The following MITF variants were observed in gnomAD, a reference collection of about 807,000 sequenced individuals.
MITF encodes the protein microphthalmia-associated transcription factor.
Under a neutral mutation model 60.5 loss-of-function variants are expected in MITF, and 17 were observed. That is an observed-to-expected ratio of 0.28 (90% CI 0.19 to 0.42). The LOEUF (loss-of-function observed/expected upper bound fraction) is 0.42. Among genes scored for constraint, MITF ranks in the 10% least tolerant of loss-of-function variants. The pLI is 1.00. For synonymous variants in MITF, 260 were observed against 248.5 expected (o/e 1.05, Z -0.43); for missense variants, 622 against 683.5 (o/e 0.91, Z 1.00).
intron 1 of MITF, among the ~76,000 whole-genome samples, chr3:69,836,021 A>G (rs1303124090): frequency 1.3e-5 from 2 of 151,906 alleles, no homozygotes; most frequent in Non-Finnish European, 2.9e-5. Flanking sequence ...TGTCATTGGT[A>G]TTTTGATAGG....
At chr3:69,928,959 C>T (rs939693154) in intron 2 of MITF, among the ~76,000 whole-genome samples, 1 of 152,172 alleles carries the variant, frequency 6.6e-6, no homozygotes, top group East Asian at 1.9e-4. Flanking sequence ...AATCTTTGGG[C>T]AGCCCCTGAT....
chr3:69,803,638 CTG>C, intron 1 of MITF, among the ~76,000 whole-genome samples: 1 of 152,084 alleles, frequency 6.6e-6, no homozygotes, highest in Non-Finnish European at 1.5e-5. Flanking sequence ...AAATAAGTGT[CTG>C]TTATTGTAGA....
At chr3:69,958,234 T>G (rs2066448205) in intron 8 of MITF, among the ~76,000 whole-genome samples, 1 of 152,230 alleles carries the variant, frequency 6.6e-6, no homozygotes, top group African/African-American at 2.4e-5. Context: ...CATCATTTAT[T>G]TTAACTACAT....
chr3:69,806,610 G>C (rs1403480630), intron 1 of MITF, among the ~76,000 whole-genome samples: 1 of 152,114 alleles, frequency 6.6e-6, no homozygotes, highest in Non-Finnish European at 1.5e-5. Flanking sequence ...TAAGAACTCA[G>C]GCTAAGAACT....
chr3:69,925,154 T>C (rs897506663), intron 2 of MITF, among the ~76,000 whole-genome samples: 8 of 152,166 alleles, frequency 5.3e-5, no homozygotes, highest in African/African-American at 9.7e-5. Flanking sequence ...GTACTTTTCA[T>C]GCATCTCATC....
chr3:69,886,057 G>C (rs1203624205), intron 2 of MITF, among the ~76,000 whole-genome samples: 1 of 152,098 alleles, frequency 6.6e-6, no homozygotes, highest in Non-Finnish European at 1.5e-5. Context: ...GGTGCAGTCA[G>C]GATTTGAACT....
chr3:69,822,999 C>T (rs1048309573), intron 1 of MITF, among the ~76,000 whole-genome samples: 1 of 151,838 alleles, frequency 6.6e-6, no homozygotes, highest in South Asian at 2.1e-4. Context: ...CTGCTTCAGC[C>T]TTCTGAGTAG....
At chr3:69,827,821 T>G (rs2063381046) in intron 1 of MITF, among the ~76,000 whole-genome samples, 1 of 152,110 alleles carries the variant, frequency 6.6e-6, no homozygotes. Flanking sequence ...TCCAAATTAG[T>G]GGCCCAGGCA....
At chr3:69,850,663 G>C (rs1220887334) in intron 1 of MITF, among the ~76,000 whole-genome samples, 1 of 152,246 alleles carries the variant, frequency 6.6e-6, no homozygotes, top group South Asian at 2.1e-4. Context: ...ATGGTGCCAG[G>C]TGCAAGGCAG....
At chr3:69,764,388 G>T (rs2062258056) in intron 1 of MITF, among the ~76,000 whole-genome samples, 1 of 152,130 alleles carries the variant, frequency 6.6e-6, no homozygotes, top group African/African-American at 2.4e-5. Context: ...AGCTGGTGGG[G>T]ATTAACAGAA....
At chr3:69,799,125 A>G (rs1394779212) in intron 1 of MITF, among the ~76,000 whole-genome samples, 1 of 152,220 alleles carries the variant, frequency 6.6e-6, no homozygotes, top group Middle Eastern at 3.2e-3. Flanking sequence ...AATGATTATG[A>G]TGATAATCTG....
chr3:69,917,768 C>A (rs1249347428), intron 2 of MITF, among the ~76,000 whole-genome samples: 2 of 151,930 alleles, frequency 1.3e-5, no homozygotes, highest in African/African-American at 4.8e-5. Context: ...TCTTGGTGGG[C>A]AGGTTGGTTG....
chr3:69,952,980 C>T (rs1398427709), intron 7 of MITF, among the ~76,000 whole-genome samples: 1 of 152,118 alleles, frequency 6.6e-6, no homozygotes, highest in Non-Finnish European at 1.5e-5. Flanking sequence ...ATAAGCAATG[C>T]CACAGTTAAC....
intron 2 of MITF, among the ~76,000 whole-genome samples, chr3:69,902,292 T>G (rs1032441090): frequency 1.3e-5 from 2 of 152,262 alleles, no homozygotes; most frequent in African/African-American, 4.8e-5. Context: ...TTTACATAAA[T>G]TAATAAGGCC....
At chr3:69,763,405 G>GTA (rs771361042) in intron 1 of MITF, among the ~76,000 whole-genome samples, 16 of 152,164 alleles carry the variant, frequency 1.1e-4, no homozygotes, top group South Asian at 1.0e-3. Flanking sequence ...ACCTGTTGAT[G>GTA]TAAAGTCTAT....
At chr3:69,934,930 A>T (rs1198755740) in intron 2 of MITF, among the ~76,000 whole-genome samples, 1 of 152,220 alleles carries the variant, frequency 6.6e-6, no homozygotes, top group Admixed American at 6.5e-5. Context: ...TTTTACTTAA[A>T]AAAGAAGTTT....
At chr3:69,850,919 C>T (rs1184827526) in intron 1 of MITF, among the ~76,000 whole-genome samples, 4 of 152,076 alleles carry the variant, frequency 2.6e-5, no homozygotes, top group Non-Finnish European at 2.9e-5. Flanking sequence ...CTCATGGAGC[C>T]CCCAAGTGCT....
chr3:69,847,117 C>T (rs1300295669), intron 1 of MITF, among the ~76,000 whole-genome samples: 1 of 152,120 alleles, frequency 6.6e-6, no homozygotes, highest in African/African-American at 2.4e-5. Context: ...ATTGGTCACC[C>T]TCTATAAGGA....
intron 1 of MITF, among the ~76,000 whole-genome samples, chr3:69,835,037 T>TTTC (rs2063519192): frequency 6.9e-6 from 1 of 145,528 alleles, no homozygotes; most frequent in Non-Finnish European, 1.5e-5. Flanking sequence ...TTTTTTTTTT[T>TTTC]TGGCAAAGTC....
Sources: allele counts gnomAD v4.1 joint callset (sites outside exome capture counted in the v4.1 genomes callset), GRCh38; gene constraint gnomAD v4.1.1; transcripts MANE v1.5; gene names NCBI Gene and HGNC (gene_info 2026-07-23, HGNC 2026-07-21).